Variants in SLC25A21 observed in about 807,000 individuals in gnomAD.
SLC25A21 encodes solute carrier family 25 member 21.
In SLC25A21, 47 loss-of-function variants were observed where a neutral mutation model predicts 43.8. The observed-to-expected ratio is 1.07, with a 90% CI of 0.85 to 1.37. The LOEUF (loss-of-function observed/expected upper bound fraction) is 1.37, where lower values mean the gene tolerates loss of function less well. Ranked by LOEUF, SLC25A21 falls within the 40% of genes most tolerant of loss-of-function variation. SLC25A21 has a pLI of 0.00. For missense variants in SLC25A21, 352 were observed against 350.2 expected (o/e 1.00, Z -0.04); for synonymous variants, 131 against 121.3 (o/e 1.08, Z -0.52).
chr14:36,873,135 A>C (rs899552670), intron 2 of SLC25A21, among the ~76,000 whole-genome samples: 1 of 152,220 alleles, frequency 6.6e-6, no homozygotes, highest in Non-Finnish European at 1.5e-5. Context: ...ATTAGCAACA[A>C]TAATCTGGCT....
intron 7 of SLC25A21, among the ~76,000 whole-genome samples, chr14:36,687,585 A>G (rs1199663433): frequency 1.3e-5 from 2 of 152,330 alleles, no homozygotes; most frequent in African/African-American, 4.8e-5. Flanking sequence ...ACTGACCACC[A>G]GCTTCTGGGC....
At chr14:36,886,966 A>G (rs1219397466) in intron 1 of SLC25A21, among the ~76,000 whole-genome samples, 1 of 152,140 alleles carries the variant, frequency 6.6e-6, no homozygotes, top group African/African-American at 2.4e-5. Flanking sequence ...TACCACAATC[A>G]ACAATGCAAC....
chr14:36,900,306 C>T (rs1891363220), intron 1 of SLC25A21, among the ~76,000 whole-genome samples: 1 of 151,968 alleles, frequency 6.6e-6, no homozygotes, highest in Non-Finnish European at 1.5e-5. Flanking sequence ...ATTGCTGTGG[C>T]CAGGAGGATA....
chr14:36,904,993 T>C (rs765671133), intron 1 of SLC25A21, among the ~76,000 whole-genome samples: 1 of 152,190 alleles, frequency 6.6e-6, no homozygotes, highest in Non-Finnish European at 1.5e-5. Flanking sequence ...TATTTAGATA[T>C]GATTAGAATG....
intron 1 of SLC25A21, among the ~76,000 whole-genome samples, chr14:37,098,981 T>G (rs537429215): frequency 6.6e-6 from 1 of 152,084 alleles, no homozygotes; most frequent in Non-Finnish European, 1.5e-5. Flanking sequence ...TTTTGTATTT[T>G]TAGTAGAGAC....
intron 2 of SLC25A21, among the ~76,000 whole-genome samples, chr14:36,874,521 T>C (rs1005311820): frequency 6.6e-6 from 1 of 152,190 alleles, no homozygotes; most frequent in Non-Finnish European, 1.5e-5. Flanking sequence ...CAAACAGTAA[T>C]AGGAATAAAT....
chr14:36,699,510 C>T (rs1670205382), intron 7 of SLC25A21, among the ~76,000 whole-genome samples: 1 of 152,238 alleles, frequency 6.6e-6, no homozygotes, highest in Admixed American at 6.5e-5. Context: ...TTTAAGTCTG[C>T]AGAAGTTGTC....
intron 2 of SLC25A21, among the ~76,000 whole-genome samples, chr14:36,864,315 C>T (rs1336404615): frequency 6.6e-6 from 1 of 152,178 alleles, no homozygotes; most frequent in Admixed American, 6.5e-5. Context: ...CCACATAATT[C>T]ACTGCAGCTC....
At chr14:36,886,981 A>G (rs1890935278) in intron 1 of SLC25A21, among the ~76,000 whole-genome samples, 1 of 152,130 alleles carries the variant, frequency 6.6e-6, no homozygotes. Flanking sequence ...TGCAACGAGA[A>G]ACACCAGGGG....
chr14:36,815,666 A>C, intron 2 of SLC25A21, among the ~76,000 whole-genome samples: 1 of 152,120 alleles, frequency 6.6e-6, no homozygotes, highest in East Asian at 1.9e-4. Context: ...CAAATGTGGA[A>C]GTTTCCAGTA....
At chr14:36,749,332 C>T (rs1051813996) in intron 3 of SLC25A21, among the ~76,000 whole-genome samples, 1 of 152,162 alleles carries the variant, frequency 6.6e-6, no homozygotes, top group Non-Finnish European at 1.5e-5. Context: ...TCCAGTTACT[C>T]AGGCCAGAAT....
chr14:37,021,445 C>T (rs952128392), intron 1 of SLC25A21, among the ~76,000 whole-genome samples: 2 of 151,916 alleles, frequency 1.3e-5, no homozygotes, highest in South Asian at 2.1e-4. Context: ...AAGACAATTG[C>T]TCTGATCAAT....
intron 1 of SLC25A21, among the ~76,000 whole-genome samples, chr14:37,095,587 AT>A (rs1173239889): frequency 1.3e-5 from 2 of 152,090 alleles, no homozygotes; most frequent in South Asian, 4.1e-4. Context: ...AAAGGCATGA[AT>A]AAAAAATATA....
chr14:37,046,807 C>G (rs915563917), intron 1 of SLC25A21, among the ~76,000 whole-genome samples: 1 of 152,140 alleles, frequency 6.6e-6, no homozygotes, highest in Non-Finnish European at 1.5e-5. Context: ...TAGGTCCCAG[C>G]AGAAACAAGA....
In SLC25A21 at chr14:37,032,572, G is replaced by T. The variant is rs905397142; in HGVS notation, c.70+139709C>A. On this transcript the variant is annotated intron_variant, in intron 1 of 9. Coordinates refer to ENST00000331299, the MANE Select transcript of SLC25A21 (RefSeq NM_030631.4). ...CAAAAAAATGAATCCACAGGAGGCTGAGGCATAAGAATTGCTTGAACCCGG... is the reference window on the plus strand; with the variant it reads ...CAAAAAAATGAATCCACAGGAGGCTTAGGCATAAGAATTGCTTGAACCCGG... Among the ~76,000 whole-genome samples, 6 of 149,970 alleles carry T rather than the reference G, an allele frequency of 4.0e-5. No individual in the cohort carries two copies. In the East Asian group the frequency reaches 7.9e-4, roughly 20 times the overall value.
At chr14:36,872,995 G>A (rs943866741) in intron 2 of SLC25A21, among the ~76,000 whole-genome samples, 4 of 152,170 alleles carry the variant, frequency 2.6e-5, no homozygotes, top group Non-Finnish European at 2.9e-5. Context: ...TAAACATTGA[G>A]TGAATGAGTG....
At chr14:36,932,178 T>C (rs1892312762) in intron 1 of SLC25A21, among the ~76,000 whole-genome samples, 1 of 152,158 alleles carries the variant, frequency 6.6e-6, no homozygotes, top group South Asian at 2.1e-4. Context: ...GTAATTTCTG[T>C]TTCCTAAAGG....
At chr14:36,916,959 C>T (rs1172282809) in intron 1 of SLC25A21, among the ~76,000 whole-genome samples, 1 of 152,066 alleles carries the variant, frequency 6.6e-6, no homozygotes, top group African/African-American at 2.4e-5. Flanking sequence ...TCCTAGATGT[C>T]CTTGCTCTTT....
chr14:36,797,767 A>C (rs1030507579), intron 3 of SLC25A21, among the ~76,000 whole-genome samples: 1 of 152,206 alleles, frequency 6.6e-6, no homozygotes, highest in African/African-American at 2.4e-5. Flanking sequence ...TATGTAGTTG[A>C]TCCCAAACCT....
Sources: allele counts gnomAD v4.1 joint callset (sites outside exome capture counted in the v4.1 genomes callset), GRCh38; gene constraint gnomAD v4.1.1; transcripts MANE v1.5; gene names NCBI Gene and HGNC (gene_info 2026-07-23, HGNC 2026-07-21).